Variants in MCOLN2 observed in about 807,000 individuals in gnomAD.
The protein encoded by MCOLN2 is mucolipin-2.
Under a neutral mutation model 67.5 loss-of-function variants are expected in MCOLN2, and 57 were observed. That is an observed-to-expected ratio of 0.84 (90% CI 0.68 to 1.05). The LOEUF (loss-of-function observed/expected upper bound fraction) is 1.05, where lower values mean the gene tolerates loss of function less well. Among genes scored for constraint, MCOLN2 ranks in the 50% least tolerant of loss-of-function variants. MCOLN2 has a pLI of 0.00. For synonymous variants in MCOLN2, 246 were observed against 233.3 expected, an observed-to-expected ratio of 1.05 and a Z score of -0.50; for missense variants, 620 against 678.8, an observed-to-expected ratio of 0.91 and a Z score of 0.96.
intron 1 of MCOLN2, among the ~76,000 whole-genome samples, chr1:84,977,101 G>A (rs1011581753): frequency 6.6e-6 from 1 of 151,202 alleles, no homozygotes; most frequent in Non-Finnish European, 1.5e-5. Context: ...TTGGGGAGAC[G>A]ATGTTAAGGC....
chr1:84,965,057 T>C lies in MCOLN2; in HGVS notation c.237+492A>G, dbSNP rs139353991. Among the ~76,000 whole-genome samples the C allele has an allele frequency of 1.8e-4, 27 of 152,274 alleles. No individual in the cohort carries two copies. In the East Asian group the frequency reaches 5.2e-3, roughly 29 times the overall value. On this transcript the variant is annotated intron_variant, in intron 2 of 13. Coordinates refer to ENST00000370608, the MANE Select transcript of MCOLN2 (RefSeq NM_153259.4). ...AAAACTCTGATGGCTGTTTTGATCA[T>C]GGTAATAAAGAGCTCAATAATACGA...
At chr1:84,987,389 C>T (rs2102886664) in intron 1 of MCOLN2, among the ~76,000 whole-genome samples, 1 of 127,912 alleles carries the variant, frequency 7.8e-6, no homozygotes, top group Non-Finnish European at 1.6e-5. Context: ...TAGATATATA[C>T]ATATGTATAT....
chr1:84,978,118 A>G (rs552166985), intron 1 of MCOLN2, among the ~76,000 whole-genome samples: 1 of 152,304 alleles, frequency 6.6e-6, no homozygotes, highest in Non-Finnish European at 1.5e-5. Context: ...GAAATTAAAT[A>G]AAATGCTCCT....
chr1:84,993,785 C>T (rs1187649130), intron 1 of MCOLN2, among the ~76,000 whole-genome samples: 3 of 151,386 alleles, frequency 2.0e-5, no homozygotes, highest in East Asian at 1.9e-4. Context: ...CGCCCGCCAC[C>T]ACGCCCGGCT....
chr1:84,975,625 G>A (rs188549615), intron 1 of MCOLN2, among the ~76,000 whole-genome samples: 186 of 152,260 alleles, frequency 1.2e-3, no homozygotes, highest in Admixed American at 2.5e-3. Context: ...CCCAGACACA[G>A]ATGAACATCT....
At chr1:84,974,668 CCT>C (rs1039218904) in intron 1 of MCOLN2, among the ~76,000 whole-genome samples, 39 of 152,126 alleles carry the variant, frequency 2.6e-4, no homozygotes, top group African/African-American at 9.4e-4. Flanking sequence ...CTTGGGTGAG[CCT>C]CTGAGACTTG....
At chr1:84,984,268 A>G (rs1650397525) in intron 1 of MCOLN2, among the ~76,000 whole-genome samples, 1 of 152,086 alleles carries the variant, frequency 6.6e-6, no homozygotes. Flanking sequence ...CCTTTTCCCC[A>G]TTTGTTTAGT....
chr1:84,973,041 T>C (rs553988266), intron 1 of MCOLN2, among the ~76,000 whole-genome samples: 1 of 152,204 alleles, frequency 6.6e-6, no homozygotes, highest in Non-Finnish European at 1.5e-5. Flanking sequence ...CAAGGACGTA[T>C]GCAAGACCAT....
rs1182106046 is a variant in MCOLN2, at chr1:84,952,283, T to TG, written c.706dup (p.His236ProfsTer4). ...ATAACAGTCTGGTAACTCACGGGAA[T>TG]GAATTGTCTGTAGGTCAATGCCTTT... is the stretch of plus-strand genomic sequence containing the variant. On this transcript the variant is annotated frameshift_variant, in exon 6 of 14. Coordinates refer to ENST00000370608, the MANE Select transcript of MCOLN2 (RefSeq NM_153259.4). LOFTEE classifies it high-confidence loss of function. 5 of 1,613,624 alleles carry TG rather than the reference T, an allele frequency of 3.1e-6. No individual in the cohort carries two copies. Among genetic ancestry groups the TG allele is most frequent in the Non-Finnish European group, 4.2e-6 (5 of 1,179,836 alleles).
chr1:84,993,648 G>T (rs1651004933), intron 1 of MCOLN2, among the ~76,000 whole-genome samples: 1 of 140,982 alleles, frequency 7.1e-6, no homozygotes, highest in Non-Finnish European at 1.5e-5. Context: ...TTTTGAGACG[G>T]AGTCTCGCTC....
chr1:84,957,518 A>G (rs898108152), intron 3 of MCOLN2, among the ~76,000 whole-genome samples: 1 of 152,172 alleles, frequency 6.6e-6, no homozygotes, highest in Non-Finnish European at 1.5e-5. Context: ...AACAACTCCA[A>G]GATTCTTTGA....
At chr1:84,927,436 A>C (rs1246263691) in intron 13 of MCOLN2, among the ~76,000 whole-genome samples, 2 of 152,220 alleles carry the variant, frequency 1.3e-5, no homozygotes, top group African/African-American at 4.8e-5. Context: ...TAGAACTGGA[A>C]GAGGTTTCAG....
rs904361171 is a variant in MCOLN2 at position 84,931,021 on chromosome 1, C to T, written c.1542+341G>A. On this transcript the variant is annotated intron_variant, in intron 12 of 13. Transcript: ENST00000370608. ...AGAGTTGTCAGGGTGCCGGTCACCT[C>T]TCATCCCTGAAACTTATGACTCAAT... Among the ~76,000 whole-genome samples, 4 of 152,180 alleles carry T rather than the reference C, an allele frequency of 2.6e-5. No homozygotes were observed. The South Asian group carries it at 8.3e-4, about 32-fold the overall frequency.
rs115403422 is a variant in MCOLN2, at chr1:84,948,389, C to G, written c.748-1257G>C. On this transcript the variant is annotated intron_variant, in intron 6 of 13. Transcript: ENST00000370608. ...ACCATACTACTGAGTCTGCCCAGAA[C>G]CAAAGCCACTATAACCAACCAACAC... Among the ~76,000 whole-genome samples, 546 of 152,276 alleles carry G rather than the reference C, an allele frequency of 3.6e-3. 1 individual carries two copies. Among genetic ancestry groups the G allele is most frequent in the African/African-American group, 0.013 (527 of 41,554 alleles).
intron 2 of MCOLN2, among the ~76,000 whole-genome samples, 156 bp downstream of exon 2, chr1:84,965,393 A>C (rs1157967194): frequency 2.6e-5 from 4 of 152,186 alleles, no homozygotes; most frequent in Non-Finnish European, 4.4e-5. Context: ...TTCTAAACAG[A>C]ACTTCAACCT....
At chr1:84,964,509 C>T (rs1177724077) in intron 2 of MCOLN2, among the ~76,000 whole-genome samples, 2 of 76,974 alleles carry the variant, frequency 2.6e-5, no homozygotes, top group Non-Finnish European at 5.3e-5. Flanking sequence ...TTTCCAGGGA[C>T]TGGAGTGGGG....
At chr1:84,932,139 C>A (rs1189397503) in intron 11 of MCOLN2, among the ~76,000 whole-genome samples, 1 of 151,990 alleles carries the variant, frequency 6.6e-6, no homozygotes, top group African/African-American at 2.4e-5. Flanking sequence ...CAGGATCTAA[C>A]AAGTTTAGAT....
chr1:84,987,520 A>AGG (rs1431604170), intron 1 of MCOLN2, among the ~76,000 whole-genome samples: 22,488 of 80,316 alleles, frequency 0.28, 5,541 homozygotes, highest in Non-Finnish European at 0.36. Context: ...ACATATGTAT[A>AGG]TATGTATACA....
Position 84,959,707 on chromosome 1 carries a change from A to G in MCOLN2, c.238-1005T>C, listed in dbSNP as rs540768409. Reference sequence around the variant, plus strand: ...GTGATTTCTTCAGCTGCCTTATAAAACAATGAGACTAGAAAGTTTGCTCCA... The same window carrying G: ...GTGATTTCTTCAGCTGCCTTATAAAGCAATGAGACTAGAAAGTTTGCTCCA... On this transcript the variant is annotated intron_variant, in intron 2 of 13. Coordinates refer to ENST00000370608, the MANE Select transcript of MCOLN2 (RefSeq NM_153259.4). Among the ~76,000 whole-genome samples the G allele has an allele frequency of 2.6e-5, 4 of 152,298 alleles. No individual in the cohort carries two copies. The South Asian group carries it at 8.3e-4, about 32-fold the overall frequency.
Sources: gnomAD v4.1 joint callset for allele counts (sites outside exome capture counted in the v4.1 genomes callset) on GRCh38, gnomAD v4.1.1 for gene constraint, MANE v1.5 for transcripts, NCBI Gene and HGNC (gene_info 2026-07-23, HGNC 2026-07-21) for gene names.